The following ERBB4 variants were observed in gnomAD, a reference collection of about 807,000 sequenced individuals.
ERBB4 encodes erb-b2 receptor tyrosine kinase 4, also known as receptor tyrosine-protein kinase erbB-4.
ERBB4 carries 42 observed loss-of-function variants against 158.0 expected under a neutral mutation model. The observed-to-expected ratio is 0.27, with a 90% CI of 0.21 to 0.34. The LOEUF (loss-of-function observed/expected upper bound fraction) is 0.34. Ranked by LOEUF, ERBB4 falls within the 10% of genes least tolerant of loss-of-function variation. The probability of loss-of-function intolerance (pLI) is 1.00; values close to 1 mark genes in which losing one functional copy is unlikely to be tolerated. For missense variants in ERBB4, 1,333 were observed against 1,624.1 expected, an observed-to-expected ratio of 0.82 and a Z score of 3.08; for synonymous variants, 583 against 558.7, an observed-to-expected ratio of 1.04 and a Z score of -0.61.
At chr2:211,997,183 A>G (rs1355276568) in intron 2 of ERBB4, among the ~76,000 whole-genome samples, 2 of 152,136 alleles carry the variant, frequency 1.3e-5, no homozygotes, top group African/African-American at 4.8e-5. Context: ...TCTTTGTCCT[A>G]ATATCTATCA....
intron 1 of ERBB4, among the ~76,000 whole-genome samples, chr2:212,140,669 G>A (rs1287446158): frequency 1.3e-5 from 2 of 150,918 alleles, no homozygotes; most frequent in African/African-American, 4.9e-5. Flanking sequence ...AGATAAAAAT[G>A]TGAATTTATT....
At chr2:211,574,330 G>A (rs2125752916) in intron 19 of ERBB4, among the ~76,000 whole-genome samples, 1 of 152,170 alleles carries the variant, frequency 6.6e-6, no homozygotes. Context: ...ACCATGAAGA[G>A]TTAAAAGATG....
At chr2:212,225,784 T>C (rs2083449449) in intron 1 of ERBB4, among the ~76,000 whole-genome samples, 1 of 152,076 alleles carries the variant, frequency 6.6e-6, no homozygotes, top group Non-Finnish European at 1.5e-5. Flanking sequence ...TCTCTTTAAA[T>C]TATTTCCAAA....
intron 3 of ERBB4, among the ~76,000 whole-genome samples, chr2:211,921,035 C>T (rs1176566606): frequency 2.0e-5 from 3 of 151,734 alleles, no homozygotes; most frequent in Non-Finnish European, 2.9e-5. Context: ...TTTAAGATGA[C>T]CAATAATTTT....
intron 1 of ERBB4, among the ~76,000 whole-genome samples, chr2:212,330,782 C>T (rs184663643): frequency 8.6e-4 from 131 of 151,700 alleles, no homozygotes; most frequent in Middle Eastern, 3.4e-3. Flanking sequence ...TATTTTCAAA[C>T]CTTATGTTTT....
Position 211,384,048 on chromosome 2 carries a change from G to T in ERBB4, c.3494C>A (p.Pro1165Gln). 1 of 1,612,030 alleles carries T rather than the reference G, an allele frequency of 6.2e-7. No individual in the cohort carries two copies. Among genetic ancestry groups the T allele is most frequent in the East Asian group, 2.2e-5 (1 of 44,852 alleles). ...AGAAACAAAAGGGTTCTCCTCCACT[G>T]GATTCAGGTATTCTAAAGGAATAAA... ...RDKPKQEYLNPVEENPFVSRR... is the reference protein window; with the variant it reads ...RDKPKQEYLNQVEENPFVSRR... Residue 1165 changes from proline to glutamine, a missense_variant, in exon 28 of 28, where the codon CCA becomes CAA. This residue lies in a region of ERBB4 where 252 missense variants were observed against 241.3 expected (regional missense o/e 1.04). Transcript: ENST00000342788.
intron 19 of ERBB4, among the ~76,000 whole-genome samples, chr2:211,610,697 C>T (rs539301311): frequency 6.6e-6 from 1 of 152,236 alleles, no homozygotes; most frequent in South Asian, 2.1e-4. Flanking sequence ...GTACAAAATT[C>T]ACAAACTGTA....
chr2:212,336,115 C>A lies in ERBB4; in HGVS notation c.82+202334G>T, dbSNP rs73068302. 7.0e-3 allele frequency among the ~76,000 whole-genome samples: 1,057 copies of A among 151,964 alleles called. 7 individuals are homozygous for A. The highest frequency in any genetic ancestry group is 0.023 in the African/African-American group (959 of 41,494). On this transcript the variant is annotated intron_variant, in intron 1 of 27. Transcript: ENST00000342788. ...GGCGGAGGGTCGTATTAATGTTCCACAGGAAAAAAAATTAAATTAGCATTA... is the reference window on the plus strand; with the variant it reads ...GGCGGAGGGTCGTATTAATGTTCCAAAGGAAAAAAAATTAAATTAGCATTA...
intron 1 of ERBB4, among the ~76,000 whole-genome samples, chr2:212,236,933 C>T (rs1322150509): frequency 6.6e-6 from 1 of 151,966 alleles, no homozygotes; most frequent in Non-Finnish European, 1.5e-5. Flanking sequence ...GGATTCATTG[C>T]TTTTTTGAAG....
intron 1 of ERBB4, among the ~76,000 whole-genome samples, chr2:212,464,362 A>G (rs1688722492): frequency 6.6e-6 from 1 of 152,120 alleles, no homozygotes; most frequent in Admixed American, 6.6e-5. Context: ...ATTTGCAAGC[A>G]TGGTTCCATT....
At chr2:212,536,436 A>G (rs566392837) in intron 1 of ERBB4, among the ~76,000 whole-genome samples, 1 of 152,098 alleles carries the variant, frequency 6.6e-6, no homozygotes, top group Non-Finnish European at 1.5e-5. Context: ...CGGCCCTTTC[A>G]TCTGGATCAC....
intron 12 of ERBB4, among the ~76,000 whole-genome samples, chr2:211,701,504 C>G (rs897953169): frequency 6.6e-6 from 1 of 152,052 alleles, no homozygotes; most frequent in African/African-American, 2.4e-5. Flanking sequence ...TGCCTGTAAT[C>G]CCAGCACTTT....
rs1455852368 is a variant in ERBB4, at chr2:211,376,361, A to T, written c.*7254T>A. 8.6e-6 allele frequency: 2 copies of T among 232,958 alleles called. No homozygotes were observed. Among genetic ancestry groups the T allele is most frequent in the Non-Finnish European group, 1.7e-5 (2 of 117,664 alleles). The allele number at this position is 232,958 out of a possible 1,614,324, so 14.4% of individuals were successfully genotyped here. A position where few individuals can be genotyped will look rare whatever the true frequency, so the allele number is the denominator to read the frequency against. On this transcript the variant is annotated 3_prime_UTR_variant, in exon 28 of 28. Transcript: ENST00000342788. Reference sequence around the variant, plus strand: ...AGAAAATCAAAGCAACATTATACTTATTTACAAATGCAACTAGCCATGTCT... The same window carrying T: ...AGAAAATCAAAGCAACATTATACTTTTTTACAAATGCAACTAGCCATGTCT...
At chr2:212,392,670 C>T (rs933378949) in intron 1 of ERBB4, among the ~76,000 whole-genome samples, 1 of 152,052 alleles carries the variant, frequency 6.6e-6, no homozygotes, top group African/African-American at 2.4e-5. Flanking sequence ...TCCCGATCAT[C>T]CTTTAAGACC....
intron 2 of ERBB4, among the ~76,000 whole-genome samples, chr2:212,006,774 T>C (rs1223621612): frequency 6.6e-6 from 1 of 152,082 alleles, no homozygotes; most frequent in Non-Finnish European, 1.5e-5. Context: ...AATAGTCTTC[T>C]AGGCTTACGT....
In ERBB4 at chr2:211,936,839, A is replaced by T. The variant is rs74900193; in HGVS notation, c.421+10591T>A. Reference sequence around the variant, plus strand: ...AATTTCCTGGTTAGTAACATTTATTATGCCAAAAAGTGTTGGGCCATGCAA... The same window carrying T: ...AATTTCCTGGTTAGTAACATTTATTTTGCCAAAAAGTGTTGGGCCATGCAA... On this transcript the variant is annotated intron_variant, in intron 3 of 27. Coordinates refer to ENST00000342788, the MANE Select transcript of ERBB4 (RefSeq NM_005235.3). Among the ~76,000 whole-genome samples the T allele has an allele frequency of 0.014, 2,127 of 152,260 alleles. 181 individuals carry two copies. In the East Asian group the frequency reaches 0.26, roughly 18 times the overall value.
intron 20 of ERBB4, among the ~76,000 whole-genome samples, chr2:211,472,096 A>C (rs367605443): frequency 2.6e-5 from 4 of 152,082 alleles, no homozygotes; most frequent in African/African-American, 4.8e-5. Context: ...AGATTAAGCA[A>C]TTTGGTTATC....
intron 3 of ERBB4, among the ~76,000 whole-genome samples, chr2:211,883,275 C>G (rs2078710898): frequency 6.6e-6 from 1 of 152,050 alleles, no homozygotes; most frequent in Non-Finnish European, 1.5e-5. Flanking sequence ...GGAAGGGGAA[C>G]ATCACACACC....
At chr2:211,620,075 C>T (rs1029766916) in intron 18 of ERBB4, among the ~76,000 whole-genome samples, 1 of 152,008 alleles carries the variant, frequency 6.6e-6, no homozygotes, top group African/African-American at 2.4e-5. Context: ...AATAGCATTT[C>T]TGGGTAAAGT....
Sources: allele counts gnomAD v4.1 joint callset (sites outside exome capture counted in the v4.1 genomes callset), GRCh38; gene constraint gnomAD v4.1.1; regional missense constraint gnomAD v4.1.1; transcripts MANE v1.5; gene names NCBI Gene and HGNC (gene_info 2026-07-23, HGNC 2026-07-21).